Variants in ADGRL2 observed in about 807,000 individuals in gnomAD.
ADGRL2 encodes adhesion G protein-coupled receptor L2.
A neutral mutation model predicts 157.4 loss-of-function variants in ADGRL2; 44 were observed. The observed-to-expected ratio is 0.28, with a 90% CI of 0.22 to 0.36. The LOEUF (loss-of-function observed/expected upper bound fraction) is 0.36. Ranked by LOEUF, ADGRL2 falls within the 10% of genes least tolerant of loss-of-function variation. The probability of loss-of-function intolerance (pLI) is 1.00; values close to 1 mark genes in which losing one functional copy is unlikely to be tolerated. For synonymous variants in ADGRL2, 585 were observed against 624.7 expected (o/e 0.94, Z 0.95); for missense variants, 1,510 against 1,768.9 (o/e 0.85, Z 2.63).
At chr1:81,695,727 A>AG (rs923986728), upstream of ADGRL2, among the ~76,000 whole-genome samples, 1 of 151,962 alleles carries the variant, frequency 6.6e-6, no homozygotes, top group Non-Finnish European at 1.5e-5. Context: ...AGGCTGAGGC[A>AG]GGAGAATCGC....
At chr1:81,884,098 C>G (rs752872613) in intron 2 of ADGRL2, among the ~76,000 whole-genome samples, 1 of 151,890 alleles carries the variant, frequency 6.6e-6, no homozygotes, top group Admixed American at 6.6e-5. Flanking sequence ...TGATCCTCCC[C>G]CCTCAGCCCC....
At chr1:81,786,958 C>T (rs1225447444) in intron 2 of ADGRL2, among the ~76,000 whole-genome samples, 5 of 152,082 alleles carry the variant, frequency 3.3e-5, no homozygotes, top group South Asian at 2.1e-4. Flanking sequence ...GGGAGGGACC[C>T]GGTAGGAGAT....
At chr1:81,609,623 T>G (rs929974538) in intron 3 of ADGRL2, among the ~76,000 whole-genome samples, 1 of 152,186 alleles carries the variant, frequency 6.6e-6, no homozygotes, top group Non-Finnish European at 1.5e-5. Context: ...CACCTCTCTG[T>G]CCTTTTAGGT....
chr1:81,854,863 A>C (rs2150599372), intron 2 of ADGRL2, among the ~76,000 whole-genome samples: 2 of 152,296 alleles, frequency 1.3e-5, no homozygotes, highest in Non-Finnish European at 2.9e-5. Context: ...TGTGTGCCGA[A>C]GGTGAGGGGT....
rs542984238 is a variant in ADGRL2, at chr1:81,521,528, A to G, written c.-247-59348A>G. 3.3e-5 allele frequency among the ~76,000 whole-genome samples: 5 copies of G among 152,290 alleles called. No homozygotes were observed. In the East Asian group the frequency reaches 9.6e-4, roughly 29 times the overall value. ...TCATTTTGTAATAAAAATATCTTAT[A>G]CTTACCTATATATCATATTAAAATC... On this transcript the variant is annotated intron_variant, in intron 2 of 24. Coordinates refer to the ADGRL2 transcript ENST00000370721.
rs550677880 is a variant in ADGRL2 at position 81,658,134 on chromosome 1, C to T, written c.-143+77154C>T. ...GGGGAGGGATGGAGTCTCACTCTGT[C>T]GCCCAAGCTGGAGTGCAGTGGTGCA... On this transcript the variant is annotated intron_variant, in intron 3 of 24. Transcript: ENST00000370721. Among the ~76,000 whole-genome samples, 3 of 152,274 alleles carry T rather than the reference C, an allele frequency of 2.0e-5. No individual in the cohort carries two copies. The South Asian group carries it at 6.2e-4, about 32-fold the overall frequency.
At chr1:81,901,240 C>T (rs764866790) in intron 2 of ADGRL2, among the ~76,000 whole-genome samples, 2 of 151,846 alleles carry the variant, frequency 1.3e-5, no homozygotes, top group Non-Finnish European at 2.9e-5. Flanking sequence ...ATTACAAATA[C>T]GTTCAAAAAT....
At chr1:81,439,308 A>G (rs2077465363) in intron 1 of ADGRL2, among the ~76,000 whole-genome samples, 2 of 152,196 alleles carry the variant, frequency 1.3e-5, no homozygotes, top group Admixed American at 6.5e-5. Context: ...CATGGTTGGT[A>G]AGTATGCGAA....
chr1:81,941,711 A>C (rs1648055111), intron 4 of ADGRL2, among the ~76,000 whole-genome samples: 1 of 151,890 alleles, frequency 6.6e-6, no homozygotes, highest in South Asian at 2.1e-4. Flanking sequence ...TGGAAAGGCA[A>C]GAGTATGTAT....
chr1:81,942,880 T>C, intron 5 of ADGRL2, 89 bp from the exon 6 acceptor site: 1 of 938,072 alleles, frequency 1.1e-6, no homozygotes, highest in South Asian at 1.4e-5. Context: ...AATATGAATT[T>C]TTCCCTTTTG....
At chr1:81,465,143 A>C (rs2078026481) in intron 2 of ADGRL2, among the ~76,000 whole-genome samples, 1 of 152,144 alleles carries the variant, frequency 6.6e-6, no homozygotes, top group South Asian at 2.1e-4. Context: ...TGTTAAAATG[A>C]CAACTTCAAA....
At chr1:81,806,714 A>G (rs888586713) in intron 1 of ADGRL2, among the ~76,000 whole-genome samples, 3 of 152,206 alleles carry the variant, frequency 2.0e-5, no homozygotes, top group South Asian at 2.1e-4. Context: ...TAGGTTAAAC[A>G]TACTTGTACC....
intron 3 of ADGRL2, among the ~76,000 whole-genome samples, chr1:81,642,719 A>G (rs2082244613): frequency 6.6e-6 from 1 of 152,206 alleles, no homozygotes; most frequent in African/African-American, 2.4e-5. Flanking sequence ...GTACAAAGAG[A>G]ATTCATACCA....
chr1:81,835,707 C>G (rs892825719), intron 1 of ADGRL2, among the ~76,000 whole-genome samples: 1 of 151,996 alleles, frequency 6.6e-6, no homozygotes, highest in South Asian at 2.1e-4. Flanking sequence ...CCTCCCTCTC[C>G]CCTGTGTCTT....
chr1:81,592,971 TTA>T (rs2081162379), intron 3 of ADGRL2, among the ~76,000 whole-genome samples: 1 of 152,146 alleles, frequency 6.6e-6, no homozygotes, highest in Admixed American at 6.6e-5. Context: ...GACAACCCAT[TTA>T]TCCCAATTAC....
At chr1:81,485,809 A>AT (rs752476374) in intron 2 of ADGRL2, among the ~76,000 whole-genome samples, 2 of 151,992 alleles carry the variant, frequency 1.3e-5, no homozygotes, top group African/African-American at 4.8e-5. Flanking sequence ...GTGCAGTCTG[A>AT]TTCACTTATC....
chr1:81,537,486 A>C (rs2079770261), intron 2 of ADGRL2, among the ~76,000 whole-genome samples: 1 of 151,626 alleles, frequency 6.6e-6, no homozygotes, highest in African/African-American at 2.4e-5. Context: ...GGGTTTCTCC[A>C]CGTTGGTCAG....
At chr1:81,928,501 C>G (rs755235000) in intron 3 of ADGRL2, among the ~76,000 whole-genome samples, 3 of 151,990 alleles carry the variant, frequency 2.0e-5, no homozygotes, top group African/African-American at 4.8e-5. Flanking sequence ...TGTAAGTTGG[C>G]AGCTTCTTTT....
At chr1:81,500,973 G>T (rs1046152661) in intron 2 of ADGRL2, among the ~76,000 whole-genome samples, 4 of 152,180 alleles carry the variant, frequency 2.6e-5, no homozygotes, top group Non-Finnish European at 5.9e-5. Flanking sequence ...ACTTCAATTC[G>T]AGTCAGATCT....
Sources: allele counts gnomAD v4.1 joint callset (sites outside exome capture counted in the v4.1 genomes callset), GRCh38; gene constraint gnomAD v4.1.1; transcripts MANE v1.5; gene names NCBI Gene and HGNC (gene_info 2026-07-23, HGNC 2026-07-21).